PTPN14: variants seen among roughly 807,000 people sequenced by gnomAD.
PTPN14 encodes tyrosine-protein phosphatase non-receptor type 14.
Under a neutral mutation model 126.8 loss-of-function variants are expected in PTPN14, and 53 were observed. That is an observed-to-expected ratio of 0.42 (90% confidence interval 0.34 to 0.53). The LOEUF (loss-of-function observed/expected upper bound fraction) is 0.53, where lower values mean the gene tolerates loss of function less well. PTPN14 is among the 20% of genes least tolerant of loss of function. The pLI, the probability that PTPN14 is intolerant of heterozygous loss-of-function variation, is 0.08. For missense variants in PTPN14, 1,257 were observed against 1,552.9 expected, an observed-to-expected ratio of 0.81 and a Z score of 3.20; for synonymous variants, 630 against 599.3, an observed-to-expected ratio of 1.05 and a Z score of -0.75.
intron 10 of PTPN14, among the ~76,000 whole-genome samples, chr1:214,393,336 C>A (rs1239946276): frequency 6.6e-6 from 1 of 152,146 alleles, no homozygotes; most frequent in Non-Finnish European, 1.5e-5. Flanking sequence ...CACTCTGTTA[C>A]CCACTTCTGA....
intron 15 of PTPN14, 65 bp from the exon 16 acceptor site, chr1:214,372,904 C>G: frequency 6.3e-7 from 1 of 1,591,560 alleles, no homozygotes; most frequent in Non-Finnish European, 8.6e-7. Context: ...TGCTGATCAC[C>G]TGTCCATCTG....
chr1:214,550,561 C>A (rs934917877), intron 1 of PTPN14, among the ~76,000 whole-genome samples: 3 of 152,214 alleles, frequency 2.0e-5, no homozygotes, highest in African/African-American at 7.2e-5. Context: ...GCTGTTAATA[C>A]CTACAACTTT....
chr1:214,487,082 T>G (rs924356256), intron 1 of PTPN14, among the ~76,000 whole-genome samples: 1 of 152,210 alleles, frequency 6.6e-6, no homozygotes, highest in Non-Finnish European at 1.5e-5. Flanking sequence ...AGAAATGAAC[T>G]GCATTGCATC....
rs148746487 is a variant in PTPN14 at position 214,365,362 on chromosome 1, G to A, written c.3272-687C>T. On this transcript the variant is annotated intron_variant, in intron 17 of 18. Coordinates refer to ENST00000366956, the MANE Select transcript of PTPN14 (RefSeq NM_005401.5). ...GCTCAGCAGGGCTGTGCAGGGAGGG[G>A]TGCGTTCATGACTCCAATTAGGCAC... Among the ~76,000 whole-genome samples the A allele has an allele frequency of 1.2e-3, 180 of 152,206 alleles. 1 individual carries two copies. The highest frequency in any genetic ancestry group is 1.8e-3 in the Non-Finnish European group (122 of 68,014).
intron 3 of PTPN14, among the ~76,000 whole-genome samples, chr1:214,418,220 G>A (rs1336895065): frequency 1.3e-5 from 2 of 152,208 alleles, no homozygotes; most frequent in Non-Finnish European, 2.9e-5. Flanking sequence ...CAGTGAGCCT[G>A]AGCCCTGGGC....
chr1:214,451,995 G>C, intron 2 of PTPN14, 21 bp from the exon 3 acceptor site: 2 of 1,606,116 alleles, frequency 1.2e-6, no homozygotes, highest in Non-Finnish European at 8.5e-7. Flanking sequence ...GGGTAAAATA[G>C]CATCAGTTCA....
At chr1:214,482,212 T>C (rs920539186) in intron 1 of PTPN14, among the ~76,000 whole-genome samples, 1 of 146,290 alleles carries the variant, frequency 6.8e-6, no homozygotes, top group Non-Finnish European at 1.5e-5. Flanking sequence ...ACAACTTTTT[T>C]TTTTTTTAGT....
chr1:214,441,455 T>C (rs1660034644), intron 3 of PTPN14, among the ~76,000 whole-genome samples: 1 of 152,202 alleles, frequency 6.6e-6, no homozygotes, highest in South Asian at 2.1e-4. Context: ...ATGTAGCACA[T>C]CTGTCACTTC....
intron 3 of PTPN14, among the ~76,000 whole-genome samples, chr1:214,440,378 G>A (rs1660012449): frequency 6.6e-6 from 1 of 152,104 alleles, no homozygotes; most frequent in Non-Finnish European, 1.5e-5. Context: ...TGTCTTTATT[G>A]GCCTATAAGA....
intron 1 of PTPN14, among the ~76,000 whole-genome samples, chr1:214,520,560 G>A (rs986431106): frequency 6.6e-6 from 1 of 152,138 alleles, no homozygotes; most frequent in Non-Finnish European, 1.5e-5. Flanking sequence ...CAGCAGGTGG[G>A]AACAGAAAGG....
chr1:214,533,050 G>A (rs1655594865), intron 1 of PTPN14: 1 of 747,684 alleles, frequency 1.3e-6, no homozygotes, highest in Non-Finnish European at 2.4e-6. Context: ...GGTTGGAGCT[G>A]CTGAGATGAC....
intron 3 of PTPN14, among the ~76,000 whole-genome samples, chr1:214,442,253 T>A (rs534361264): frequency 6.6e-6 from 1 of 152,222 alleles, no homozygotes. Flanking sequence ...ATATTTGCTA[T>A]ACTTACCCAG....
chr1:214,529,407 C>T lies in PTPN14; in HGVS notation c.-155+21776G>A, dbSNP rs1290880738. ...TATGTGTTTCAGAGACCAAGGTCTT[C>T]AAAGCAGCAGAGTGAAGGAGAAAAG... is the stretch of plus-strand genomic sequence containing the variant. On this transcript the variant is annotated intron_variant, in intron 1 of 18. Coordinates refer to ENST00000366956, the MANE Select transcript of PTPN14 (RefSeq NM_005401.5). 2.0e-5 allele frequency: 3 copies of T among 152,192 alleles called. No individual in the cohort carries two copies. In the East Asian group the frequency reaches 5.8e-4, roughly 29 times the overall value. 9.4% of individuals were successfully genotyped at this position (152,192 alleles called of 1,614,324 possible).
intron 18 of PTPN14, among the ~76,000 whole-genome samples, chr1:214,361,205 G>A (rs1558068563): frequency 2.0e-5 from 3 of 152,202 alleles, no homozygotes; most frequent in Non-Finnish European, 2.9e-5. Flanking sequence ...CAGTGTCACT[G>A]CAAAGGCTAC....
intron 1 of PTPN14, among the ~76,000 whole-genome samples, chr1:214,515,577 C>T (rs1489324883): frequency 6.6e-6 from 1 of 152,090 alleles, no homozygotes; most frequent in African/African-American, 2.4e-5. Flanking sequence ...TTAATAACAG[C>T]TTCCAATTCA....
chr1:214,508,945 G>A (rs1654906394), intron 1 of PTPN14, among the ~76,000 whole-genome samples: 1 of 152,162 alleles, frequency 6.6e-6, no homozygotes, highest in Non-Finnish European at 1.5e-5. Flanking sequence ...TCTCAACAGT[G>A]AGCTTAAAAT....
At chr1:214,527,777 G>GTAAGCTGAACTTGCAGCC (rs2102465303) in intron 1 of PTPN14, among the ~76,000 whole-genome samples, 1 of 152,314 alleles carries the variant, frequency 6.6e-6, no homozygotes, top group South Asian at 2.1e-4. Flanking sequence ...GAGAAAGTAG[G>GTAAGCTGAACTTGCAGCC]TAAGCTGAAC....
At chr1:214,439,619 G>A (rs908574244) in intron 3 of PTPN14, among the ~76,000 whole-genome samples, 1 of 152,164 alleles carries the variant, frequency 6.6e-6, no homozygotes, top group African/African-American at 2.4e-5. Flanking sequence ...TTAGGAGGCT[G>A]TAAACCGAAA....
chr1:214,527,194 C>G (rs2102464698), intron 1 of PTPN14, among the ~76,000 whole-genome samples: 1 of 152,090 alleles, frequency 6.6e-6, no homozygotes, highest in Middle Eastern at 3.5e-3. Context: ...AAGCTCCGGT[C>G]AAGACATACA....
Sources: allele counts gnomAD v4.1 joint callset (sites outside exome capture counted in the v4.1 genomes callset), GRCh38; gene constraint gnomAD v4.1.1; transcripts MANE v1.5; gene names NCBI Gene and HGNC (gene_info 2026-07-23, HGNC 2026-07-21).